Variants in TCF12 observed in about 807,000 individuals in gnomAD.
TCF12 encodes the protein DNA-binding protein HTF4.
Under a neutral mutation model 86.0 loss-of-function variants are expected in TCF12, and 45 were observed. The observed-to-expected ratio is 0.52, with a 90% CI of 0.41 to 0.67. The LOEUF is 0.67. TCF12 is among the 30% of genes least tolerant of loss of function. The pLI, the probability that TCF12 is intolerant of heterozygous loss-of-function variation, is 0.00. For synonymous variants in TCF12, 330 were observed against 299.6 expected (o/e 1.10, Z -1.05); for missense variants, 881 against 859.9 (o/e 1.02, Z -0.31).
At chr15:57,102,371 G>A (rs1285732666) in intron 5 of TCF12, among the ~76,000 whole-genome samples, 3 of 152,228 alleles carry the variant, frequency 2.0e-5, no homozygotes, top group African/African-American at 7.2e-5. Flanking sequence ...GCTGTGGCAG[G>A]TGGATTACCT....
intron 5 of TCF12, among the ~76,000 whole-genome samples, chr15:57,108,538 G>T (rs1428345598): frequency 1.3e-5 from 2 of 152,012 alleles, no homozygotes; most frequent in African/African-American, 4.8e-5. Flanking sequence ...TTCACTAGCC[G>T]AAAGAAACTG....
At chr15:57,162,914 G>T (rs1029428888) in intron 5 of TCF12, among the ~76,000 whole-genome samples, 1 of 151,778 alleles carries the variant, frequency 6.6e-6, no homozygotes, top group Admixed American at 6.6e-5. Flanking sequence ...GGTGGCTCAC[G>T]CCTGTAATCC....
chr15:57,041,925 A>G (rs749223882), intron 3 of TCF12, among the ~76,000 whole-genome samples: 1 of 152,192 alleles, frequency 6.6e-6, no homozygotes, highest in Non-Finnish European at 1.5e-5. Flanking sequence ...AGAAGAAGAC[A>G]TGATCATTAC....
At chr15:57,118,543 C>T (rs1467491170) in intron 5 of TCF12, 3 of 152,110 alleles carry the variant, frequency 2.0e-5, no homozygotes, top group African/African-American at 7.2e-5. Context: ...ACTTGCCTCC[C>T]AGTTAACAGA....
intron 3 of TCF12, among the ~76,000 whole-genome samples, chr15:56,958,692 T>TG (rs1169635573): frequency 1.6e-3 from 105 of 63,758 alleles, no homozygotes; most frequent in African/African-American, 3.0e-3. Context: ...TGTGTGTGTG[T>TG]GTGTGTGTGT....
In TCF12 at chr15:57,206,306, G is replaced by C. The variant is rs572655610; in HGVS notation, c.579+8481G>C. 3.3e-5 allele frequency among the ~76,000 whole-genome samples: 5 copies of C among 152,202 alleles called. No homozygotes were observed. The East Asian group carries it at 9.7e-4, about 29-fold the overall frequency. On this transcript the variant is annotated intron_variant, in intron 8 of 20. Transcript: ENST00000333725. The stretch of plus-strand genomic sequence containing the variant: ...TCACTAGCTCAGAAGTTTGAGACCA[G>C]CCTGGCCAACATAGTGAAACCCCTT...
intron 5 of TCF12, among the ~76,000 whole-genome samples, chr15:57,121,341 A>G (rs1357018250): frequency 6.6e-6 from 1 of 152,210 alleles, no homozygotes; most frequent in Non-Finnish European, 1.5e-5. Flanking sequence ...CCATGAGTTC[A>G]CTGAATTTAT....
intron 3 of TCF12, among the ~76,000 whole-genome samples, chr15:56,922,928 A>G (rs1004115467): frequency 2.6e-5 from 4 of 151,910 alleles, no homozygotes; most frequent in East Asian, 1.9e-4. Flanking sequence ...TTTTATATTT[A>G]TATACCTTAT....
intron 5 of TCF12, among the ~76,000 whole-genome samples, chr15:57,093,253 T>C (rs2049108698): frequency 6.6e-6 from 1 of 152,238 alleles, no homozygotes; most frequent in Non-Finnish European, 1.5e-5. Flanking sequence ...AAATTTTCAA[T>C]TGAGCTTGCC....
At chr15:57,171,303 A>T (rs749419823) in intron 6 of TCF12, among the ~76,000 whole-genome samples, 9 of 152,070 alleles carry the variant, frequency 5.9e-5, no homozygotes, top group Non-Finnish European at 1.2e-4. Context: ...AGCAGAGTGG[A>T]AAGATTATTC....
In TCF12 at chr15:57,203,595, A is replaced by G. The variant is rs1438304913; in HGVS notation, c.579+5770A>G. Among the ~76,000 whole-genome samples the G allele has an allele frequency of 2.0e-5, 3 of 152,190 alleles. No homozygotes were observed. In the South Asian group the frequency reaches 6.2e-4, roughly 31 times the overall value. The stretch of plus-strand genomic sequence containing the variant: ...CTGCATCAAAATGACGTGTCTTACA[A>G]GTTTTGAATGTAACTTGTTTGCAGT... On this transcript the variant is annotated intron_variant, in intron 8 of 20. Transcript: ENST00000333725.
chr15:57,111,617 G>A (rs775009291), intron 5 of TCF12, among the ~76,000 whole-genome samples: 1 of 146,542 alleles, frequency 6.8e-6, no homozygotes, highest in Non-Finnish European at 1.5e-5. Context: ...TTTAAGATAG[G>A]GTCTCACTCT....
intron 16 of TCF12, among the ~76,000 whole-genome samples, chr15:57,257,071 T>C (rs2060379893): frequency 6.6e-6 from 1 of 152,190 alleles, no homozygotes; most frequent in Admixed American, 6.5e-5. Context: ...CTATAGATAA[T>C]ATGAAAACAG....
intron 3 of TCF12, among the ~76,000 whole-genome samples, chr15:56,999,361 T>C (rs572369406): frequency 1.3e-5 from 2 of 152,116 alleles, no homozygotes; most frequent in South Asian, 2.1e-4. Context: ...TGATCATCTT[T>C]AGCAATACAG....
At chr15:57,207,405 C>T (rs1001352836) in intron 8 of TCF12, among the ~76,000 whole-genome samples, 22 of 152,060 alleles carry the variant, frequency 1.4e-4, no homozygotes, top group African/African-American at 5.1e-4. Flanking sequence ...GGTGGCTTAA[C>T]GCCTGTAGTA....
chr15:56,994,639 A>T (rs1311131962), intron 3 of TCF12, among the ~76,000 whole-genome samples: 1 of 152,126 alleles, frequency 6.6e-6, no homozygotes, highest in Non-Finnish European at 1.5e-5. Context: ...TACATCAGAA[A>T]CCATGGGAGT....
At chr15:57,138,528 G>C (rs1251224175) in intron 5 of TCF12, among the ~76,000 whole-genome samples, 2 of 121,038 alleles carry the variant, frequency 1.7e-5, no homozygotes, top group East Asian at 2.4e-4. Context: ...CAGATAATCA[G>C]ATCTGTTTCC....
chr15:57,074,994 A>C (rs1244207133), intron 4 of TCF12, among the ~76,000 whole-genome samples: 1 of 151,852 alleles, frequency 6.6e-6, no homozygotes, highest in Non-Finnish European at 1.5e-5. Flanking sequence ...AACAAGCTTG[A>C]AACGTTTCCC....
At chr15:57,272,770 T>C (rs1000132492) in intron 18 of TCF12, among the ~76,000 whole-genome samples, 6 of 152,240 alleles carry the variant, frequency 3.9e-5, no homozygotes, top group African/African-American at 1.4e-4. Context: ...GAAGAGTTTC[T>C]GGAGAAATCT....
Sources: allele counts gnomAD v4.1 joint callset (sites outside exome capture counted in the v4.1 genomes callset), GRCh38; gene constraint gnomAD v4.1.1; transcripts MANE v1.5; gene names NCBI Gene and HGNC (gene_info 2026-07-23, HGNC 2026-07-21).